Variants in PCDHGA1 observed in about 807,000 individuals in gnomAD.
PCDHGA1 encodes protocadherin gamma subfamily A, 1, also known as protocadherin gamma-A1.
PCDHGA1 carries 32 observed loss-of-function variants against 58.0 expected under a neutral mutation model. The observed-to-expected ratio is 0.55, with a 90% CI of 0.42 to 0.74. The LOEUF (loss-of-function observed/expected upper bound fraction) is 0.74, where lower values mean the gene tolerates loss of function less well. PCDHGA1 is among the 30% of genes least tolerant of loss of function. The pLI is 0.00. For missense variants in PCDHGA1, 1,205 were observed against 1,182.3 expected, an observed-to-expected ratio of 1.02 and a Z score of -0.28; for synonymous variants, 498 against 501.1, an observed-to-expected ratio of 0.99 and a Z score of 0.08.
intron 1 of PCDHGA1, among the ~76,000 whole-genome samples, chr5:141,469,232 A>AC (rs1350524557): frequency 2.0e-5 from 3 of 151,722 alleles, no homozygotes; most frequent in Non-Finnish European, 4.4e-5. Flanking sequence ...AGCCATGATC[A>AC]CCCCACTGCA....
At chr5:141,429,196 A>ACACACT in intron 1 of PCDHGA1, 1 of 151,994 alleles carries the variant, frequency 6.6e-6, no homozygotes, top group Non-Finnish European at 1.5e-5. Context: ...ACACACACAC[A>ACACACT]CACACACACG....
chr5:141,399,488 TAGTC>T (rs778579612), intron 1 of PCDHGA1: 12 of 1,613,904 alleles, frequency 7.4e-6, no homozygotes, highest in Admixed American at 1.7e-5. Flanking sequence ...GCGTCCTACT[TAGTC>T]AGTGTACCCG....
intron 1 of PCDHGA1, chr5:141,366,251 A>T: frequency 6.2e-7 from 1 of 1,613,620 alleles, no homozygotes; most frequent in East Asian, 2.2e-5. Flanking sequence ...GCTCAAGCAG[A>T]GCCTCGTGGT....
intron 2 of PCDHGA1, among the ~76,000 whole-genome samples, chr5:141,505,146 A>G (rs2099844101): frequency 6.6e-6 from 1 of 152,190 alleles, no homozygotes; most frequent in Non-Finnish European, 1.5e-5. Flanking sequence ...TGGATGACAG[A>G]GTAAGACCCT....
At chr5:141,395,351 G>A (rs2093220052) in intron 1 of PCDHGA1, 1 of 1,366,364 alleles carries the variant, frequency 7.3e-7, no homozygotes, top group East Asian at 2.5e-5. Context: ...GTGTATCACA[G>A]AGTTTTGGGT....
chr5:141,505,243 G>A (rs2099844728), intron 2 of PCDHGA1, 150 bp from the exon 3 acceptor site: 1 of 1,424,622 alleles, frequency 7.0e-7, no homozygotes, highest in Non-Finnish European at 9.4e-7. Flanking sequence ...CTGAAGGATT[G>A]TAGAAGTGCC....
chr5:141,392,879 G>C, intron 1 of PCDHGA1: 1 of 1,613,512 alleles, frequency 6.2e-7, no homozygotes, highest in Non-Finnish European at 8.5e-7. Context: ...TGCTGGGAAC[G>C]CTGTGGGAAA....
intron 1 of PCDHGA1, chr5:141,479,478 G>T (rs760475025): frequency 2.6e-5 from 4 of 152,408 alleles, no homozygotes; most frequent in African/African-American, 9.6e-5. Context: ...TCTTGGGAGG[G>T]CAGGACCATC....
At chr5:141,350,620 C>A (rs1354304006) in intron 1 of PCDHGA1, 2 of 1,613,990 alleles carry the variant, frequency 1.2e-6, no homozygotes, top group Non-Finnish European at 1.7e-6. Context: ...TTGTTGTAAT[C>A]CAAGATATTA....
intron 1 of PCDHGA1, chr5:141,421,938 T>C (rs777643980): frequency 2.9e-5 from 46 of 1,613,346 alleles, no homozygotes; most frequent in Non-Finnish European, 3.5e-5. Context: ...TCGATGTAAA[T>C]GATCACATCC....
intron 1 of PCDHGA1, chr5:141,404,432 GATACC>G: frequency 6.2e-7 from 1 of 1,613,380 alleles, no homozygotes; most frequent in African/African-American, 1.3e-5. Context: ...CTTGGCAGAG[GATACC>G]ATCCAAGGGT....
intron 1 of PCDHGA1, chr5:141,366,838 T>G: frequency 6.7e-7 from 1 of 1,503,394 alleles, no homozygotes; most frequent in Non-Finnish European, 8.9e-7. Context: ...ATCAGCTAGT[T>G]ATGTAAATAG....
chr5:141,474,579 G>A (rs1340685342), intron 1 of PCDHGA1, among the ~76,000 whole-genome samples: 3 of 152,196 alleles, frequency 2.0e-5, no homozygotes, highest in Non-Finnish European at 4.4e-5. Flanking sequence ...TAATTGAAGT[G>A]TTAAAGACAT....
At position 141,476,030 on chromosome 5, in the gene PCDHGA1, G is replaced by A; in HGVS notation, c.2422-18777G>A. On this transcript the variant is annotated intron_variant, in intron 1 of 3. Coordinates refer to ENST00000517417, the MANE Select transcript of PCDHGA1 (RefSeq NM_018912.3). This position sits in a 1 kb window ranked among gnomAD's most constrained non-coding sequence, Gnocchi z 7.6. ...AAAGCCATGTCGGACTCGGCGCCCA[G>A]CGCCCAAGCGCTAACCCGCTGAAAG... 2.7e-6 allele frequency: 4 copies of A among 1,459,176 alleles called. No individual in the cohort carries two copies. The highest frequency in any genetic ancestry group is 3.6e-6 in the Non-Finnish European group (4 of 1,096,658). The allele number at this position is 1,459,176 out of a possible 1,614,324, so 90.4% of individuals were successfully genotyped here. A position where few individuals can be genotyped will look rare whatever the true frequency, so the allele number is the denominator to read the frequency against.
intron 1 of PCDHGA1, chr5:141,351,905 G>A: frequency 3.7e-6 from 6 of 1,613,410 alleles, no homozygotes; most frequent in South Asian, 1.1e-5. Flanking sequence ...CGTGTTGGTG[G>A]GCGACCTCAA....
intron 1 of PCDHGA1, chr5:141,343,093 C>A: frequency 6.0e-6 from 1 of 167,174 alleles, no homozygotes; most frequent in Non-Finnish European, 1.2e-5. Flanking sequence ...GTAATTATCT[C>A]AGTACACTGC....
At chr5:141,471,422 A>T (rs919676109) in intron 1 of PCDHGA1, 5 of 152,176 alleles carry the variant, frequency 3.3e-5, no homozygotes, top group Non-Finnish European at 5.9e-5. Context: ...GTTTTTAGCA[A>T]GGAAAGTGTA....
At chr5:141,505,123 C>T (rs1320836386) in intron 2 of PCDHGA1, among the ~76,000 whole-genome samples, 1 of 152,192 alleles carries the variant, frequency 6.6e-6, no homozygotes, top group African/African-American at 2.4e-5. Flanking sequence ...GATCGCGCCA[C>T]TGCACTCCAG....
At position 141,366,074 on chromosome 5, in the gene PCDHGA1, G is replaced by A; in HGVS notation, c.2421+32969G>A. The A allele has an allele frequency of 1.9e-6, 3 of 1,614,218 alleles. No homozygotes were observed. In the South Asian group the frequency reaches 3.3e-5, roughly 18 times the overall value. On this transcript the variant is annotated intron_variant, in intron 1 of 3. Coordinates refer to ENST00000517417, the MANE Select transcript of PCDHGA1 (RefSeq NM_018912.3). Reference sequence around the variant, plus strand: ...GGGCGTGGAGCTGGCGCCTCGCTCCGCAGAACCTGGCTACCTGGTGACCAA... The same window carrying A: ...GGGCGTGGAGCTGGCGCCTCGCTCCACAGAACCTGGCTACCTGGTGACCAA...
Sources: allele counts gnomAD v4.1 joint callset (sites outside exome capture counted in the v4.1 genomes callset), GRCh38; gene constraint gnomAD v4.1.1; non-coding constraint Gnocchi (gnomAD v3.1); transcripts MANE v1.5; gene names NCBI Gene and HGNC (gene_info 2026-07-23, HGNC 2026-07-21).